Variants in DROSHA observed in about 807,000 individuals in gnomAD.
DROSHA encodes the protein ribonuclease 3.
Under a neutral mutation model 181.9 loss-of-function variants are expected in DROSHA, and 56 were observed. That is an observed-to-expected ratio of 0.31 (90% confidence interval 0.25 to 0.38). The LOEUF (loss-of-function observed/expected upper bound fraction) is 0.38. Ranked by LOEUF, DROSHA falls within the 10% of genes least tolerant of loss-of-function variation. The pLI is 1.00. For missense variants in DROSHA, 1,218 were observed against 1,743.5 expected (o/e 0.70, Z 5.37); for synonymous variants, 524 against 591.2 (o/e 0.89, Z 1.65).
chr5:31,430,978 C>T (rs1247265908), intron 26 of DROSHA, among the ~76,000 whole-genome samples: 1 of 152,172 alleles, frequency 6.6e-6, no homozygotes, highest in Non-Finnish European at 1.5e-5. Context: ...AGCTAATTAA[C>T]TCTTCATAAC....
At chr5:31,460,173 T>C (rs574974049) in intron 20 of DROSHA, among the ~76,000 whole-genome samples, 2 of 152,318 alleles carry the variant, frequency 1.3e-5, no homozygotes, top group East Asian at 3.9e-4. Flanking sequence ...TTATGCTGAA[T>C]TTTTTAGACT....
intron 29 of DROSHA, 140 bp from the exon 30 acceptor site, chr5:31,421,517 C>T: frequency 1.5e-6 from 1 of 661,216 alleles, no homozygotes; most frequent in South Asian, 1.9e-5. Context: ...AATACAATTC[C>T]CTAAGGCCCC....
chr5:31,485,315 T>A (rs1400655252), intron 14 of DROSHA, among the ~76,000 whole-genome samples: 1 of 151,984 alleles, frequency 6.6e-6, no homozygotes, highest in Non-Finnish European at 1.5e-5. Flanking sequence ...ATGCACCTGA[T>A]AGGCTTGTCC....
intron 33 of DROSHA, among the ~76,000 whole-genome samples, chr5:31,408,100 A>G (rs1322567820): frequency 6.6e-6 from 1 of 152,174 alleles, no homozygotes; most frequent in East Asian, 1.9e-4. Flanking sequence ...AAAAAGGCCT[A>G]TAAAGTGTTG....
At chr5:31,420,554 G>A (rs1273601003) in intron 30 of DROSHA, among the ~76,000 whole-genome samples, 4 of 152,204 alleles carry the variant, frequency 2.6e-5, no homozygotes, top group African/African-American at 7.2e-5. Flanking sequence ...AATCAAACCT[G>A]TCTCTGTAAC....
intron 23 of DROSHA, among the ~76,000 whole-genome samples, chr5:31,439,541 A>G (rs1745303656): frequency 6.6e-6 from 1 of 152,148 alleles, no homozygotes; most frequent in Non-Finnish European, 1.5e-5. Context: ...GCTGCATATC[A>G]TGGGGTTTGG....
Position 31,409,088 on chromosome 5 carries a change from T to G in DROSHA, c.3822A>C (p.Thr1274=), listed in dbSNP as rs1291825415. The G allele has an allele frequency of 1.2e-6, 2 of 1,613,934 alleles. No homozygotes were observed. Among genetic ancestry groups the G allele is most frequent in the Admixed American group, 3.3e-5 (2 of 60,014 alleles). Residue 1274 remains threonine, a synonymous_variant, in exon 33 of 36, where the codon ACA becomes ACC. Coordinates refer to ENST00000344624, the MANE Select transcript of DROSHA (RefSeq NM_001382508.1). The surrounding 1 kb of genome is among the most constrained non-coding windows in gnomAD (Gnocchi z 4.0). ...GAGGAATGTCTGGCTCTTTTCCTTC[T>G]GTCCTAAGTGTCAAGCAACACTGCT... ...QLQQCCLTLR[T]EGKEPDIPLY...
chr5:31,496,085 T>C (rs1022312333), intron 11 of DROSHA, among the ~76,000 whole-genome samples: 1 of 152,186 alleles, frequency 6.6e-6, no homozygotes, highest in Non-Finnish European at 1.5e-5. Flanking sequence ...CAGAGCCTGA[T>C]TAACTTCGGA....
rs1315116838 is a variant in DROSHA, at chr5:31,470,124, ATTC to A, written c.2241+1936_2241+1938del. The stretch of plus-strand genomic sequence containing the variant: ...AGTATAAAAGAATTAACTTCAACAC[ATTC>A]CTAAGCCTGACACTGAAACTTCCAA... On this transcript the variant is annotated intron_variant, in intron 17 of 35. Coordinates refer to ENST00000344624, the MANE Select transcript of DROSHA (RefSeq NM_001382508.1). The surrounding 1 kb of genome is among the most constrained non-coding windows in gnomAD (Gnocchi z 4.0). Among the ~76,000 whole-genome samples, 2 of 152,194 alleles carry A rather than the reference ATTC, an allele frequency of 1.3e-5. No homozygotes were observed. The highest frequency in any genetic ancestry group is 2.9e-5 in the Non-Finnish European group (2 of 68,040).
chr5:31,407,089 AAG>A (rs1479566499), intron 33 of DROSHA, 144 bp from the exon 34 acceptor site: 1 of 535,378 alleles, frequency 1.9e-6, no homozygotes, highest in East Asian at 3.4e-5. Context: ...GAAAGGTAAA[AAG>A]AGTTAAGTTT....
intron 13 of DROSHA, among the ~76,000 whole-genome samples, chr5:31,487,915 A>G (rs1045915878): frequency 1.3e-5 from 2 of 152,202 alleles, no homozygotes; most frequent in African/African-American, 4.8e-5. Context: ...TTCTTTGCTA[A>G]CAACTATATT....
Position 31,449,366 on chromosome 5 carries a change from A to G in DROSHA, c.2736T>C (p.His912=). The G allele has an allele frequency of 1.2e-6, 2 of 1,607,932 alleles. No homozygotes were observed. ...CACAGTTAGATAATGAATTCCTGGC[A>G]TGATCAGGATTCATTCCAAAATTTA... ...HHLNFGMNPD[H]ARNSLSNCGI... Residue 912 remains histidine (H), a synonymous_variant, in exon 22 of 36, where the codon CAT becomes CAC. Transcript: ENST00000344624.
At chr5:31,446,562 T>A (rs1055114248) in intron 23 of DROSHA, among the ~76,000 whole-genome samples, 2 of 150,146 alleles carry the variant, frequency 1.3e-5, no homozygotes, top group African/African-American at 4.9e-5. Context: ...TATAAAACAT[T>A]ATTGAAAAAA....
At chr5:31,413,305 G>GA (rs1741539761) in intron 30 of DROSHA, among the ~76,000 whole-genome samples, 1 of 152,218 alleles carries the variant, frequency 6.6e-6, no homozygotes, top group Non-Finnish European at 1.5e-5. Flanking sequence ...CCAAAAATCA[G>GA]TGGGGGAGAA....
rs184844782 is a variant in DROSHA, at chr5:31,522,114, T to C, written c.855-899A>G. On this transcript the variant is annotated intron_variant, in intron 5 of 35. Transcript: ENST00000344624. ...AACTTACAAAACTGACAGAGATCGG[T>C]GAGTGCTTAGGTATTAAAATAGAAA... Among the ~76,000 whole-genome samples the C allele has an allele frequency of 3.1e-3, 473 of 152,316 alleles. 9 individuals are homozygous for C. Among genetic ancestry groups the C allele is most frequent in the Admixed American group, 3.1e-3 (47 of 15,298 alleles).
Position 31,405,106 on chromosome 5 carries a change from C to G in DROSHA, c.3994+571G>C, listed in dbSNP as rs993421127. ...CACAGGCCGGGTGCAGTGGCTCATG[C>G]CTGTAATCCCAGCACTTTTGGAGGC... is the stretch of plus-strand genomic sequence containing the variant. On this transcript the variant is annotated intron_variant, in intron 35 of 35. Transcript: ENST00000344624. Among the ~76,000 whole-genome samples the G allele has an allele frequency of 3.3e-5, 5 of 152,138 alleles. No individual in the cohort carries two copies. The East Asian group carries it at 9.6e-4, about 29-fold the overall frequency.
intron 25 of DROSHA, 130 bp from the exon 26 acceptor site, chr5:31,431,808 A>C: frequency 2.7e-6 from 2 of 734,056 alleles, no homozygotes; most frequent in Non-Finnish European, 4.6e-6. Context: ...AAATCCATGA[A>C]TATATTAAGA....
chr5:31,496,421 T>C (rs535112370), intron 11 of DROSHA, among the ~76,000 whole-genome samples: 1 of 152,270 alleles, frequency 6.6e-6, no homozygotes, highest in South Asian at 2.1e-4. Flanking sequence ...AGGGAGACCT[T>C]GTCTCAAAAC....
chr5:31,412,876 C>T (rs1036175748), intron 30 of DROSHA, among the ~76,000 whole-genome samples: 27 of 152,006 alleles, frequency 1.8e-4, no homozygotes, highest in Non-Finnish European at 2.4e-4. Flanking sequence ...CATATGGGGA[C>T]GGGGAGCTTT....
Sources: allele counts gnomAD v4.1 joint callset (sites outside exome capture counted in the v4.1 genomes callset), GRCh38; gene constraint gnomAD v4.1.1; non-coding constraint Gnocchi (gnomAD v3.1); transcripts MANE v1.5; gene names NCBI Gene and HGNC (gene_info 2026-07-23, HGNC 2026-07-21).